TMEM178B: variants seen among roughly 807,000 people sequenced by gnomAD.
The protein encoded by TMEM178B is transmembrane protein 178B.
Under a neutral mutation model 31.0 loss-of-function variants are expected in TMEM178B, and 5 were observed. The ratio of observed to expected loss-of-function variants is 0.16; its 90% CI spans 0.08 to 0.34. The LOEUF (loss-of-function observed/expected upper bound fraction) is 0.34, where lower values mean the gene tolerates loss of function less well. Ranked by LOEUF, TMEM178B falls within the 10% of genes least tolerant of loss-of-function variation. The pLI, the probability that TMEM178B is intolerant of heterozygous loss-of-function variation, is 1.00. For missense variants in TMEM178B, 275 were observed against 400.3 expected (o/e 0.69, Z 2.67); for synonymous variants, 164 against 164.0 (o/e 1.00, Z 0.00).
intron 2 of TMEM178B, among the ~76,000 whole-genome samples, chr7:141,310,855 T>C (rs959791187): frequency 2.6e-5 from 4 of 152,194 alleles, no homozygotes; most frequent in African/African-American, 9.7e-5. Context: ...CACGCGTATG[T>C]TCATTGCAAC....
intron 2 of TMEM178B, among the ~76,000 whole-genome samples, chr7:141,277,397 C>T (rs1291589138): frequency 6.6e-6 from 1 of 152,146 alleles, no homozygotes; most frequent in Non-Finnish European, 1.5e-5. Context: ...TCATCAATCT[C>T]GCTGTCTTCC....
At chr7:141,239,610 C>A (rs928206607) in intron 2 of TMEM178B, among the ~76,000 whole-genome samples, 4 of 152,198 alleles carry the variant, frequency 2.6e-5, no homozygotes, top group African/African-American at 9.6e-5. Flanking sequence ...TGCCTCCGCT[C>A]TGAAGTGGGA....
intron 2 of TMEM178B, among the ~76,000 whole-genome samples, chr7:141,213,093 T>A (rs1351874827): frequency 6.6e-6 from 1 of 152,224 alleles, no homozygotes; most frequent in Non-Finnish European, 1.5e-5. Flanking sequence ...GTTAGTCCCT[T>A]GGGTTGCATT....
intron 2 of TMEM178B, among the ~76,000 whole-genome samples, chr7:141,369,172 A>G (rs991745141): frequency 6.6e-6 from 1 of 152,158 alleles, no homozygotes; most frequent in Non-Finnish European, 1.5e-5. Context: ...CCCATTCCCC[A>G]TAAGGTACAA....
intron 3 of TMEM178B, among the ~76,000 whole-genome samples, chr7:141,446,099 A>G (rs1801748688): frequency 6.6e-6 from 1 of 152,230 alleles, no homozygotes; most frequent in African/African-American, 2.4e-5. Flanking sequence ...GGACTAGGAA[A>G]TAACATCCGG....
intron 3 of TMEM178B, among the ~76,000 whole-genome samples, chr7:141,438,359 G>A (rs1801589367): frequency 6.6e-6 from 1 of 152,072 alleles, no homozygotes; most frequent in Non-Finnish European, 1.5e-5. Flanking sequence ...TGTGGGAATA[G>A]GGGTCCAGTC....
intron 3 of TMEM178B, among the ~76,000 whole-genome samples, chr7:141,453,168 T>A (rs1462592756): frequency 6.6e-6 from 1 of 152,256 alleles, no homozygotes; most frequent in African/African-American, 2.4e-5. Flanking sequence ...TTTGCCTCAT[T>A]GTGAGTGTCT....
chr7:141,144,606 G>T (rs1795822882), intron 1 of TMEM178B, among the ~76,000 whole-genome samples: 1 of 152,160 alleles, frequency 6.6e-6, no homozygotes, highest in Non-Finnish European at 1.5e-5. Flanking sequence ...GAGCACTGGG[G>T]GTCGGAAGTG....
rs560553513 is a variant in TMEM178B, at chr7:141,477,051, C to T, written c.*6265C>T. Reference sequence around the variant, plus strand: ...GCTCCTTAAGGAACTCTGTATCCCTCTCTCCTCTCCAGAACCCCATTCCTC... The same window carrying T: ...GCTCCTTAAGGAACTCTGTATCCCTTTCTCCTCTCCAGAACCCCATTCCTC... On this transcript the variant is annotated 3_prime_UTR_variant, in exon 4 of 4. Coordinates refer to ENST00000565468, the MANE Select transcript of TMEM178B (RefSeq NM_001195278.2). The T allele has an allele frequency of 9.0e-5, 14 of 155,102 alleles. No homozygotes were observed. Among genetic ancestry groups the T allele is most frequent in the African/African-American group, 3.4e-4 (14 of 41,652 alleles). 9.6% of individuals were successfully genotyped at this position (155,102 alleles called of 1,614,324 possible).
intron 2 of TMEM178B, among the ~76,000 whole-genome samples, chr7:141,276,775 A>G (rs1456854463): frequency 6.6e-6 from 1 of 152,208 alleles, no homozygotes; most frequent in Non-Finnish European, 1.5e-5. Flanking sequence ...TCTGGATGGT[A>G]GAGCCTACTT....
At chr7:141,086,445 G>C (rs1390868743) in intron 1 of TMEM178B, among the ~76,000 whole-genome samples, 4 of 152,110 alleles carry the variant, frequency 2.6e-5, no homozygotes, top group Admixed American at 6.5e-5. Flanking sequence ...TTTCCAAATG[G>C]ATAAACACAA....
the TMEM178B span, among the ~76,000 whole-genome samples, chr7:141,492,482 G>A: frequency 6.6e-6 from 1 of 152,154 alleles, no homozygotes; most frequent in Non-Finnish European, 1.5e-5. Context: ...TGCAGCCCCT[G>A]AGCCTAGCAC....
At chr7:141,172,361 C>A (rs898578664) in intron 1 of TMEM178B, among the ~76,000 whole-genome samples, 3 of 152,146 alleles carry the variant, frequency 2.0e-5, no homozygotes, top group African/African-American at 7.2e-5. Context: ...TGTCTCTGCC[C>A]TTGATGGGGA....
At chr7:141,353,478 ATGT>A (rs1799768946) in intron 2 of TMEM178B, among the ~76,000 whole-genome samples, 1 of 152,114 alleles carries the variant, frequency 6.6e-6, no homozygotes, top group African/African-American at 2.4e-5. Context: ...CTTTACATAG[ATGT>A]TGTTCCTTTT....
At chr7:141,087,357 G>C (rs1794805547) in intron 1 of TMEM178B, among the ~76,000 whole-genome samples, 2 of 152,178 alleles carry the variant, frequency 1.3e-5, no homozygotes, top group Non-Finnish European at 2.9e-5. Flanking sequence ...GCTTTACAAT[G>C]ATTGATTACT....
rs1802336438 is a variant in TMEM178B at position 141,474,997 on chromosome 7, G to T, written c.*4211G>T. 1 of 152,224 alleles carries T rather than the reference G, an allele frequency of 6.6e-6. No individual in the cohort carries two copies. Among genetic ancestry groups the T allele is most frequent in the Non-Finnish European group, 1.5e-5 (1 of 68,064 alleles). 9.4% of individuals were successfully genotyped at this position (152,224 alleles called of 1,614,324 possible). A position where few individuals can be genotyped will look rare whatever the true frequency, so the allele number is the denominator to read the frequency against. On this transcript the variant is annotated 3_prime_UTR_variant, in exon 4 of 4. Coordinates refer to ENST00000565468, the MANE Select transcript of TMEM178B (RefSeq NM_001195278.2). ...TGGTGTGGTTTGTGGGGGATACTTGGTTGATTCTTGTAGTTAAAGTGAAGT... is the reference window on the plus strand; with the variant it reads ...TGGTGTGGTTTGTGGGGGATACTTGTTTGATTCTTGTAGTTAAAGTGAAGT...
intron 2 of TMEM178B, among the ~76,000 whole-genome samples, chr7:141,226,106 C>T (rs1231571975): frequency 6.6e-6 from 1 of 152,160 alleles, no homozygotes; most frequent in African/African-American, 2.4e-5. Context: ...CCATCCACCA[C>T]CCCATCCACT....
chr7:141,494,091 G>T, the TMEM178B span, among the ~76,000 whole-genome samples: 1 of 152,104 alleles, frequency 6.6e-6, no homozygotes, highest in African/African-American at 2.4e-5. Context: ...GAGTATCTGT[G>T]AGATTAAAAC....
intron 2 of TMEM178B, among the ~76,000 whole-genome samples, chr7:141,253,004 A>G: frequency 6.6e-6 from 1 of 152,230 alleles, no homozygotes; most frequent in East Asian, 1.9e-4. Flanking sequence ...CCAGAGGGCA[A>G]GAGAAAAGAG....
Sources: gnomAD v4.1 joint callset for allele counts (sites outside exome capture counted in the v4.1 genomes callset) on GRCh38, gnomAD v4.1.1 for gene constraint, MANE v1.5 for transcripts, NCBI Gene and HGNC (gene_info 2026-07-23, HGNC 2026-07-21) for gene names.